Variants in CEP120 observed in about 807,000 individuals in gnomAD.
CEP120 encodes the protein centrosomal protein of 120 kDa.
In CEP120, 113 loss-of-function variants were observed where a neutral mutation model predicts 126.5. The observed-to-expected ratio is 0.89, with a 90% CI of 0.77 to 1.04. The LOEUF (loss-of-function observed/expected upper bound fraction) is 1.04, where lower values mean the gene tolerates loss of function less well. CEP120 is among the 50% of genes least tolerant of loss of function. CEP120 has a pLI of 0.00. For missense variants in CEP120, 1,230 were observed against 1,155.7 expected (o/e 1.06, Z -0.93); for synonymous variants, 400 against 394.3 (o/e 1.01, Z -0.17).
In CEP120 at chr5:123,364,549, G is replaced by A; in HGVS notation, c.2527C>T (p.His843Tyr). ...KLESATKSKLHYKQQWGRALK... is the reference protein window; with the variant it reads ...KLESATKSKLYYKQQWGRALK... ...GCTCGTCCCCACTGCTGCTTGTAAT[G>A]CAGTTTAGACTTAGTTGCAGATTCC... The change falls in exon 18 of 20, where the codon CAT (histidine) becomes TAT (tyrosine). Residue 843 changes from histidine (H) to tyrosine (Y), a missense_variant. By Grantham distance (83) the His-to-Tyr change is moderately conservative. Coordinates refer to ENST00000306467, the MANE Select transcript of CEP120 (RefSeq NM_001375405.1). 1 of 1,607,098 alleles carries A rather than the reference G, an allele frequency of 6.2e-7. No homozygotes were observed. The highest frequency in any genetic ancestry group is 1.1e-5 in the South Asian group (1 of 90,712).
intron 19 of CEP120, among the ~76,000 whole-genome samples, chr5:123,349,435 T>C (rs889408355): frequency 6.6e-6 from 1 of 152,130 alleles, no homozygotes; most frequent in Non-Finnish European, 1.5e-5. Context: ...GTTACAGATA[T>C]TAATAATATA....
chr5:123,409,040 C>G (rs1308842970), intron 4 of CEP120, among the ~76,000 whole-genome samples: 1 of 152,096 alleles, frequency 6.6e-6, no homozygotes. Context: ...GACTGCATCT[C>G]TACAAAAGGT....
intron 9 of CEP120, among the ~76,000 whole-genome samples, chr5:123,387,920 T>C (rs1349160670): frequency 6.6e-6 from 1 of 152,024 alleles, no homozygotes; most frequent in Non-Finnish European, 1.5e-5. Context: ...TGATTAAGTA[T>C]GGTGTTTAGA....
At chr5:123,411,698 A>T (rs561955887) in intron 4 of CEP120, among the ~76,000 whole-genome samples, 30 of 152,334 alleles carry the variant, frequency 2.0e-4, no homozygotes, top group African/African-American at 6.7e-4. Context: ...GGAGGGAGGA[A>T]TGAATAGGTG....
intron 4 of CEP120, among the ~76,000 whole-genome samples, chr5:123,409,489 A>C (rs1773896151): frequency 6.6e-6 from 1 of 152,194 alleles, no homozygotes; most frequent in Non-Finnish European, 1.5e-5. Flanking sequence ...CAGGTACAAG[A>C]CAAGGATGTC....
intron 3 of CEP120, among the ~76,000 whole-genome samples, chr5:123,414,971 C>CAAAAAAAAAAAAAAAAAAAAAAAA (rs56756568): frequency 2.5e-5 from 1 of 40,636 alleles, no homozygotes; most frequent in African/African-American, 1.2e-4. Context: ...GACTCCATCT[C>CAAAAAAAAAAAAAAAAAAAAAAAA]AAAAAAAAAA....
intron 9 of CEP120, chr5:123,388,222 A>C (rs939403584): frequency 3.1e-6 from 1 of 321,710 alleles, no homozygotes; most frequent in Non-Finnish European, 5.6e-6. Flanking sequence ...TACAATTATT[A>C]TATCAGAATA....
At chr5:123,355,110 T>C (rs1486855426) in intron 18 of CEP120, among the ~76,000 whole-genome samples, 1 of 152,126 alleles carries the variant, frequency 6.6e-6, no homozygotes, top group Non-Finnish European at 1.5e-5. Flanking sequence ...ACAAGGGACA[T>C]GAACTCATCA....
Position 123,423,030 on chromosome 5 carries a change from G to A in CEP120, c.-32C>T, listed in dbSNP as rs1774822912. 2 of 1,602,036 alleles carry A rather than the reference G, an allele frequency of 1.2e-6. No homozygotes were observed. Among genetic ancestry groups the A allele is most frequent in the Non-Finnish European group, 1.7e-6 (2 of 1,169,602 alleles). On this transcript the variant is annotated 5_prime_UTR_variant, in exon 1 of 20. Coordinates refer to ENST00000306467, the MANE Select transcript of CEP120 (RefSeq NM_001375405.1). ...GGTGAGCGGTCCGGGGGCGAAGGCG[G>A]CTGGGGGGAAGTGAGGTCCAGTTGA...
At chr5:123,382,943 G>C in intron 12 of CEP120, 43 bp downstream of exon 12, 1 of 1,601,258 alleles carries the variant, frequency 6.2e-7, no homozygotes, top group East Asian at 2.2e-5. Flanking sequence ...ATGCACATTA[G>C]ATTCCTTTTA....
Position 123,364,687 on chromosome 5 carries a change from A to G in CEP120, c.2482-93T>C, listed in dbSNP as rs1580650963. On this transcript the variant is annotated intron_variant, in intron 17 of 19. Transcript: ENST00000306467. ...TATACAAAGAGTCTGGCTTAAGAAA[A>G]GAGTTTATACAGTGTAACATACGAC... 3 of 620,860 alleles carry G rather than the reference A, an allele frequency of 4.8e-6. No individual in the cohort carries two copies. The African/African-American group carries it at 5.6e-5, about 12-fold the overall frequency. 38.5% of individuals were successfully genotyped at this position (620,860 alleles called of 1,614,324 possible). A position where few individuals can be genotyped will look rare whatever the true frequency, so the allele number is the denominator to read the frequency against.
intron 6 of CEP120, among the ~76,000 whole-genome samples, chr5:123,392,339 A>C (rs1245719161): frequency 1.3e-5 from 2 of 152,180 alleles, no homozygotes; most frequent in South Asian, 2.1e-4. Context: ...GGTTTAGCAG[A>C]ATCATCTCTA....
chr5:123,367,935 T>G (rs1770581317), intron 17 of CEP120, among the ~76,000 whole-genome samples: 1 of 151,920 alleles, frequency 6.6e-6, no homozygotes, highest in Non-Finnish European at 1.5e-5. Context: ...TTTTAAGAAA[T>G]AAGATTCTGC....
At chr5:123,382,445 G>C (rs912170166) in intron 13 of CEP120, among the ~76,000 whole-genome samples, 4 of 151,750 alleles carry the variant, frequency 2.6e-5, no homozygotes, top group African/African-American at 7.3e-5. Flanking sequence ...GGAGACTAAT[G>C]ATGCAAGGTT....
In CEP120 at chr5:123,396,342, T is replaced by G. The variant is rs575151076; in HGVS notation, c.612+2794A>C. ...AGGAGTAGTATTGCTGATCATGTGG[T>G]AATTCTGTTTAACTTTGTGAGGAAT... On this transcript the variant is annotated intron_variant, in intron 5 of 19. Transcript: ENST00000306467. 1.6e-3 allele frequency among the ~76,000 whole-genome samples: 251 copies of G among 152,274 alleles called. 1 individual carries two copies. Among genetic ancestry groups the G allele is most frequent in the African/African-American group, 5.8e-3 (241 of 41,570 alleles).
chr5:123,400,601 G>T (rs1406763749), intron 4 of CEP120, among the ~76,000 whole-genome samples: 1 of 140,930 alleles, frequency 7.1e-6, no homozygotes, highest in African/African-American at 2.7e-5. Flanking sequence ...CATCAATTCA[G>T]ATATCATATA....
In CEP120 at chr5:123,382,256, G is replaced by T; in HGVS notation, c.2014-56C>A. The T allele has an allele frequency of 3.0e-6, 3 of 994,450 alleles. No individual in the cohort carries two copies. In the South Asian group the frequency reaches 4.5e-5, roughly 15 times the overall value. The allele number at this position is 994,450 out of a possible 1,614,324, so 61.6% of individuals were successfully genotyped here. A position where few individuals can be genotyped will look rare whatever the true frequency, so the allele number is the denominator to read the frequency against. On this transcript the variant is annotated intron_variant, in intron 13 of 19. Coordinates refer to ENST00000306467, the MANE Select transcript of CEP120 (RefSeq NM_001375405.1). ...AAAACCCCAAATATGTCAAATAAAT[G>T]AATCAGTTGTCAGTTAAATAACCGA...
At chr5:123,358,854 A>G (rs1477493013) in intron 18 of CEP120, among the ~76,000 whole-genome samples, 1 of 152,052 alleles carries the variant, frequency 6.6e-6, no homozygotes, top group Admixed American at 6.6e-5. Context: ...TAGACTAAAC[A>G]GCGGCTAAAA....
chr5:123,419,909 CTT>C (rs1774613752), intron 1 of CEP120, among the ~76,000 whole-genome samples: 2 of 152,148 alleles, frequency 1.3e-5, no homozygotes, highest in South Asian at 2.1e-4. Flanking sequence ...AACTAGTTCT[CTT>C]GTTTATAAAT....
Sources: gnomAD v4.1 joint callset for allele counts (sites outside exome capture counted in the v4.1 genomes callset) on GRCh38, gnomAD v4.1.1 for gene constraint, MANE v1.5 for transcripts, NCBI Gene and HGNC (gene_info 2026-07-23, HGNC 2026-07-21) for gene names.